The following DGLUCY variants were observed in gnomAD, a reference collection of about 807,000 sequenced individuals.
DGLUCY encodes the protein D-glutamate cyclase.
Under a neutral mutation model 58.5 loss-of-function variants are expected in DGLUCY, and 58 were observed. The ratio of observed to expected loss-of-function variants is 0.99; its 90% CI spans 0.80 to 1.23. DGLUCY has a LOEUF of 1.23. Ranked by LOEUF, DGLUCY falls within the 50% of genes most tolerant of loss-of-function variation. The pLI is 0.00. For missense variants in DGLUCY, 779 were observed against 784.7 expected (o/e 0.99, Z 0.09); for synonymous variants, 325 against 314.1 (o/e 1.03, Z -0.37).
At position 91,135,674 on chromosome 14, in the gene DGLUCY, A is replaced by C. The variant is rs1007120529; in HGVS notation, c.-82+21391A>C. Among the ~76,000 whole-genome samples, 3 of 150,304 alleles carry C rather than the reference A, an allele frequency of 2.0e-5. No homozygotes were observed. The South Asian group carries it at 6.3e-4, about 32-fold the overall frequency. ...TCATTAAAAAAAAAAAAAAAAAAAAACAAGTATGGTATAGGCTTTTGCTGT... is the reference window on the plus strand; with the variant it reads ...TCATTAAAAAAAAAAAAAAAAAAAACCAAGTATGGTATAGGCTTTTGCTGT... On this transcript the variant is annotated intron_variant, in intron 1 of 13. Coordinates refer to ENST00000256324, the MANE Select transcript of DGLUCY (RefSeq NM_001102368.3).
intron 8 of DGLUCY, among the ~76,000 whole-genome samples, chr14:91,188,344 G>A (rs922598317): frequency 6.6e-6 from 1 of 152,120 alleles, no homozygotes; most frequent in Non-Finnish European, 1.5e-5. Context: ...ACCCAATCTC[G>A]CGGCCACACC....
intron 4 of DGLUCY, among the ~76,000 whole-genome samples, chr14:91,168,619 C>A (rs565439348): frequency 6.6e-6 from 1 of 152,332 alleles, no homozygotes; most frequent in South Asian, 2.1e-4. Flanking sequence ...CCTTGCCCAA[C>A]TGGCAAACTC....
rs2050446871 is a variant in DGLUCY, at chr14:91,199,889, T to C, written c.1428T>C (p.Pro476=). The change falls in exon 11 of 14, where the codon CCT becomes CCC. Residue 476 remains proline (P), a synonymous_variant. Transcript: ENST00000256324. ...DDLFLAAKKI[P]GISSTGVGDG... is the part of the protein sequence containing the mutation. ...TTTTTCTTGCTGCGAAGAAGATTCCTGGAATCTCATCAACTGGTAAGTATG... is the reference window on the plus strand; with the variant it reads ...TTTTTCTTGCTGCGAAGAAGATTCCCGGAATCTCATCAACTGGTAAGTATG... 1 of 1,614,058 alleles carries C rather than the reference T, an allele frequency of 6.2e-7. No homozygotes were observed.
intron 1 of DGLUCY, among the ~76,000 whole-genome samples, chr14:91,139,327 C>T (rs1198910959): frequency 6.6e-6 from 1 of 152,154 alleles, no homozygotes; most frequent in African/African-American, 2.4e-5. Context: ...AGGATGGGAT[C>T]CTCCTTACTC....
At position 91,194,004 on chromosome 14, in the gene DGLUCY, G is replaced by A. The variant is rs148195711; in HGVS notation, c.1196-2371G>A. Among the ~76,000 whole-genome samples, 365 of 152,140 alleles carry A rather than the reference G, an allele frequency of 2.4e-3. 4 individuals are homozygous for A. The highest frequency in any genetic ancestry group is 8.2e-3 in the African/African-American group (342 of 41,502). On this transcript the variant is annotated intron_variant, in intron 9 of 13. Coordinates refer to ENST00000256324, the MANE Select transcript of DGLUCY (RefSeq NM_001102368.3). ...TGGGGATTCTCCTGTGTCCTTTCTC[G>A]TGTGTTCCCCACTTTGGGATACATT... is the stretch of plus-strand genomic sequence containing the variant.
At chr14:91,102,335 A>C (rs2044501830) in intron 1 of DGLUCY, among the ~76,000 whole-genome samples, 1 of 152,110 alleles carries the variant, frequency 6.6e-6, no homozygotes, top group Non-Finnish European at 1.5e-5. Flanking sequence ...TATTAGGGTG[A>C]ATTTAAATCC....
chr14:91,158,814 G>A (rs972212682), intron 2 of DGLUCY: 1 of 151,638 alleles, frequency 6.6e-6, no homozygotes, highest in South Asian at 2.1e-4. Context: ...AGATTTTGTT[G>A]ACATACTAAA....
intron 1 of DGLUCY, among the ~76,000 whole-genome samples, chr14:91,085,901 C>T (rs543617546): frequency 3.3e-5 from 5 of 152,132 alleles, no homozygotes; most frequent in African/African-American, 1.2e-4. Flanking sequence ...GGGTTCCCAA[C>T]CCCCAGGCCA....
intron 7 of DGLUCY, among the ~76,000 whole-genome samples, chr14:91,177,768 G>T (rs2048942656): frequency 6.6e-6 from 1 of 152,252 alleles, no homozygotes; most frequent in Admixed American, 6.5e-5. Context: ...CTAATGTGGT[G>T]ATGAGGCGTG....
chr14:91,176,179 A>C, intron 7 of DGLUCY, 123 bp downstream of exon 7: 3 of 1,191,382 alleles, frequency 2.5e-6, no homozygotes, highest in Non-Finnish European at 3.4e-6. Context: ...CAAAACACAA[A>C]ACAGAGGCCT....
chr14:91,205,887 C>T (rs1472661988), intron 12 of DGLUCY, among the ~76,000 whole-genome samples: 2 of 121,348 alleles, frequency 1.6e-5, no homozygotes, highest in East Asian at 2.7e-4. Flanking sequence ...GTTGCCCAGG[C>T]TGGAGTGCAG....
intron 8 of DGLUCY, among the ~76,000 whole-genome samples, chr14:91,184,889 AC>A (rs2049407220): frequency 1.3e-5 from 2 of 152,242 alleles, no homozygotes; most frequent in South Asian, 2.1e-4. Flanking sequence ...AAGGATATAA[AC>A]CCACCACAGA....
chr14:91,124,688 T>G (rs904270556), intron 1 of DGLUCY, among the ~76,000 whole-genome samples: 3 of 152,238 alleles, frequency 2.0e-5, no homozygotes, highest in Non-Finnish European at 4.4e-5. Context: ...GATGAGATTT[T>G]TACCTGCTGT....
chr14:91,110,847 A>G (rs2044680941), upstream of DGLUCY, among the ~76,000 whole-genome samples: 1 of 152,208 alleles, frequency 6.6e-6, no homozygotes, highest in African/African-American at 2.4e-5. Context: ...TCACAATGGT[A>G]TGCCACCATC....
Position 91,129,450 on chromosome 14 carries a change from T to G in DGLUCY, c.-82+15167T>G, listed in dbSNP as rs117946436. 3.9e-5 allele frequency among the ~76,000 whole-genome samples: 6 copies of G among 152,174 alleles called. No individual in the cohort carries two copies. The East Asian group carries it at 1.2e-3, about 29-fold the overall frequency. Reference sequence around the variant, plus strand: ...TATTTTAATGCTGTATATAAGAATATGCTAGCCGGGTATGGTGACTCATAC... The same window carrying G: ...TATTTTAATGCTGTATATAAGAATAGGCTAGCCGGGTATGGTGACTCATAC... On this transcript the variant is annotated intron_variant, in intron 1 of 13. Coordinates refer to ENST00000256324, the MANE Select transcript of DGLUCY (RefSeq NM_001102368.3).
chr14:91,166,366 A>G (rs2048281823), intron 3 of DGLUCY, among the ~76,000 whole-genome samples: 2 of 152,150 alleles, frequency 1.3e-5, no homozygotes, highest in African/African-American at 2.4e-5. Flanking sequence ...GTAATGCTTC[A>G]ATCAAAATTT....
intron 1 of DGLUCY, chr14:91,128,977 T>C (rs1473980453): frequency 2.0e-5 from 3 of 151,712 alleles, no homozygotes; most frequent in African/African-American, 7.3e-5. Flanking sequence ...AGAAAAAAAA[T>C]GCTAGGGAGA....
rs2050204684 is a variant in DGLUCY, at chr14:91,196,307, A to C, written c.1196-68A>C. ...GATACCCTTCAAAGAAGCTTTTGAA[A>C]AGCCAACGTGAATTTCCAAAAGCCA... On this transcript the variant is annotated intron_variant, in intron 9 of 13. Coordinates refer to ENST00000256324, the MANE Select transcript of DGLUCY (RefSeq NM_001102368.3). The C allele has an allele frequency of 3.0e-6, 4 of 1,331,014 alleles. No homozygotes were observed. The South Asian group carries it at 4.9e-5, about 16-fold the overall frequency. The allele number at this position is 1,331,014 out of a possible 1,614,324, so 82.5% of individuals were successfully genotyped here.
intron 1 of DGLUCY, among the ~76,000 whole-genome samples, chr14:91,156,772 C>T (rs1277145736): frequency 6.6e-6 from 1 of 152,204 alleles, no homozygotes; most frequent in East Asian, 1.9e-4. Flanking sequence ...GATCTCATCT[C>T]ACCTCACTTC....
Sources: gnomAD v4.1 joint callset for allele counts (sites outside exome capture counted in the v4.1 genomes callset) on GRCh38, gnomAD v4.1.1 for gene constraint, MANE v1.5 for transcripts, NCBI Gene and HGNC (gene_info 2026-07-23, HGNC 2026-07-21) for gene names.